DENND1B: variants seen among roughly 807,000 people sequenced by gnomAD.
The protein encoded by DENND1B is DENN domain containing 1B, also known as DENN domain-containing protein 1B.
DENND1B carries 59 observed loss-of-function variants against 90.1 expected under a neutral mutation model. That is an observed-to-expected ratio of 0.65 (90% CI 0.53 to 0.81). DENND1B has a LOEUF of 0.81. Among genes scored for constraint, DENND1B ranks in the 40% least tolerant of loss-of-function variants. DENND1B has a pLI of 0.00. For synonymous variants in DENND1B, 337 were observed against 324.6 expected, an observed-to-expected ratio of 1.04 and a Z score of -0.41; for missense variants, 862 against 912.6, an observed-to-expected ratio of 0.94 and a Z score of 0.71.
chr1:197,548,811 TAGAG>T (rs983610310), intron 16 of DENND1B, among the ~76,000 whole-genome samples: 12 of 152,170 alleles, frequency 7.9e-5, no homozygotes, highest in Admixed American at 2.0e-4. Context: ...AGAAGGTTAA[TAGAG>T]AGAATTACCG....
intron 15 of DENND1B, among the ~76,000 whole-genome samples, chr1:197,573,452 A>T (rs1351652365): frequency 1.3e-5 from 2 of 152,322 alleles, no homozygotes; most frequent in East Asian, 3.9e-4. Flanking sequence ...AAATTGTGGC[A>T]ATAATCAATA....
intron 10 of DENND1B, among the ~76,000 whole-genome samples, chr1:197,620,073 G>T (rs1450583891): frequency 2.6e-5 from 4 of 151,188 alleles, no homozygotes; most frequent in Admixed American, 6.6e-5. Context: ...TAAGGAATCT[G>T]CTTTGGCAAA....
At position 197,504,950 on chromosome 1, in the gene DENND1B, A is replaced by C. The variant is rs937933409; in HGVS notation, c.*5510T>G. ...GCAAGAACAATGAAGTAAAATCACA[A>C]TTCTGGGTAGGTTTTTACAGATATC... On this transcript the variant is annotated 3_prime_UTR_variant, in exon 23 of 23. Coordinates refer to ENST00000620048, the MANE Select transcript of DENND1B (RefSeq NM_001195215.2). 1 of 151,860 alleles carries C rather than the reference A, an allele frequency of 6.6e-6. No homozygotes were observed. Among genetic ancestry groups the C allele is most frequent in the African/African-American group, 2.4e-5 (1 of 41,392 alleles). 9.4% of individuals were successfully genotyped at this position (151,860 alleles called of 1,614,324 possible). A position where few individuals can be genotyped will look rare whatever the true frequency, so the allele number is the denominator to read the frequency against.
At chr1:197,769,119 C>T (rs747270225) in intron 2 of DENND1B, among the ~76,000 whole-genome samples, 14 of 152,184 alleles carry the variant, frequency 9.2e-5, no homozygotes, top group Non-Finnish European at 2.1e-4. Context: ...AACATAATGT[C>T]ACCAATCTTA....
chr1:197,723,372 G>A (rs1039570925), intron 2 of DENND1B, among the ~76,000 whole-genome samples: 9 of 152,080 alleles, frequency 5.9e-5, no homozygotes, highest in African/African-American at 2.2e-4. Flanking sequence ...TGAAGCTGTG[G>A]GTGATCATGG....
chr1:197,587,670 C>T (rs181827305), intron 14 of DENND1B, among the ~76,000 whole-genome samples: 157 of 152,170 alleles, frequency 1.0e-3, no homozygotes, highest in African/African-American at 3.5e-3. Flanking sequence ...TGGCACCAGA[C>T]GCGGGTTTTG....
At position 197,507,900 on chromosome 1, in the gene DENND1B, AT is replaced by A. The variant is rs1274777053; in HGVS notation, c.*2559del. On this transcript the variant is annotated 3_prime_UTR_variant, in exon 23 of 23. Coordinates refer to ENST00000620048, the MANE Select transcript of DENND1B (RefSeq NM_001195215.2). ...ATTCTGGATGTTTTTAAAGAATAAC[AT>A]GCAGAATTGTTTTTCTGCCTTTGTT... 1.3e-5 allele frequency: 2 copies of A among 151,714 alleles called. No homozygotes were observed. The highest frequency in any genetic ancestry group is 2.4e-5 in the African/African-American group (1 of 41,400). The allele number at this position is 151,714 out of a possible 1,614,324, so 9.4% of individuals were successfully genotyped here.
At chr1:197,714,370 T>C (rs1660418688) in intron 3 of DENND1B, among the ~76,000 whole-genome samples, 1 of 152,122 alleles carries the variant, frequency 6.6e-6, no homozygotes, top group South Asian at 2.1e-4. Flanking sequence ...ATGATAAATC[T>C]ATAACATAAA....
rs1329388255 is a variant in DENND1B, at chr1:197,511,949, A to G, written c.1599-5T>C. 6.3e-7 allele frequency: 1 copy of G among 1,599,150 alleles called. No individual in the cohort carries two copies. Among genetic ancestry groups the G allele is most frequent in the Non-Finnish European group, 8.5e-7 (1 of 1,172,518 alleles). On this transcript the variant is annotated splice_polypyrimidine_tract_variant and splice_region_variant and intron_variant, in intron 21 of 22. Coordinates refer to ENST00000620048, the MANE Select transcript of DENND1B (RefSeq NM_001195215.2). ...TCACCATCTTCAGAAGATAACCTGA[A>G]GAAAAATAAAACACGCAGTAGTAGG...
chr1:197,645,740 A>T lies in DENND1B; in HGVS notation c.511T>A (p.Ser171Thr). 1 of 1,563,864 alleles carries T rather than the reference A, an allele frequency of 6.4e-7. No homozygotes were observed. Among genetic ancestry groups the T allele is most frequent in the Non-Finnish European group, 8.7e-7 (1 of 1,154,038 alleles). ...LKDQPALVPH[S>T]YFIAPDVTGL... ...GTTACATCAGGGGCAATGAAGTAGGAATGCTAATCAATACAAATAAATCAC... is the reference window on the plus strand; with the variant it reads ...GTTACATCAGGGGCAATGAAGTAGGTATGCTAATCAATACAAATAAATCAC... The change falls in exon 9 of 23, where the codon TCC (serine) becomes ACC (threonine). Residue 171 changes from serine (S) to threonine (T), a missense_variant. Physicochemically the swap from Ser to Thr is moderately conservative, Grantham distance 58. Transcript: ENST00000620048.
At chr1:197,642,594 C>A in intron 10 of DENND1B, 117 bp downstream of exon 10, 1 of 624,514 alleles carries the variant, frequency 1.6e-6, no homozygotes. Context: ...ACATCAAAAA[C>A]GTATGTAGAT....
chr1:197,573,853 C>A (rs1673400554), intron 15 of DENND1B, among the ~76,000 whole-genome samples: 2 of 152,186 alleles, frequency 1.3e-5, no homozygotes, highest in Admixed American at 1.3e-4. Flanking sequence ...AGAGAAACCA[C>A]ATGATCATCT....
intron 5 of DENND1B, among the ~76,000 whole-genome samples, chr1:197,661,263 A>C (rs879429679): frequency 6.6e-6 from 1 of 152,110 alleles, no homozygotes; most frequent in Non-Finnish European, 1.5e-5. Context: ...TACTAACTAA[A>C]TATAATGCAA....
At chr1:197,554,980 G>A (rs550766941) in intron 15 of DENND1B, among the ~76,000 whole-genome samples, 3 of 151,958 alleles carry the variant, frequency 2.0e-5, no homozygotes, top group African/African-American at 4.8e-5. Context: ...TTCAAAATGT[G>A]CTTTACCCAG....
intron 15 of DENND1B, among the ~76,000 whole-genome samples, chr1:197,569,511 T>C (rs982674927): frequency 1.3e-5 from 2 of 151,656 alleles, no homozygotes; most frequent in African/African-American, 2.4e-5. Flanking sequence ...AACAAATATA[T>C]GAATCAACCT....
intron 4 of DENND1B, 96 bp downstream of exon 4, chr1:197,674,024 G>A (rs1655796764): frequency 3.4e-6 from 3 of 877,122 alleles, no homozygotes; most frequent in Non-Finnish European, 5.3e-6. Context: ...GCAATAAAGA[G>A]AAGGGACATT....
In DENND1B at chr1:197,775,131, C is replaced by A. The variant is rs1167093177; in HGVS notation, c.17+8G>T. On this transcript the variant is annotated splice_region_variant and intron_variant, in intron 1 of 22. Transcript: ENST00000620048. ...CCGCCCCCGACGCGCCCGGGCCCCC[C>A]CACTCACTTGGTCCTGCAGTCCATG... 2.3e-6 allele frequency: 3 copies of A among 1,291,326 alleles called. No homozygotes were observed. The highest frequency in any genetic ancestry group is 3.1e-5 in the African/African-American group (2 of 64,652). The allele number at this position is 1,291,326 out of a possible 1,614,324, so 80.0% of individuals were successfully genotyped here. A position where few individuals can be genotyped will look rare whatever the true frequency, so the allele number is the denominator to read the frequency against.
chr1:197,774,374 G>A (rs757436557), intron 1 of DENND1B: 4 of 152,164 alleles, frequency 2.6e-5, no homozygotes, highest in Non-Finnish European at 5.9e-5. Flanking sequence ...GGGTGGGTAA[G>A]CGAAGTAAAA....
intron 20 of DENND1B, among the ~76,000 whole-genome samples, chr1:197,530,133 T>C (rs1194937274): frequency 6.6e-6 from 1 of 152,240 alleles, no homozygotes; most frequent in Admixed American, 6.5e-5. Context: ...TTGTTGGATG[T>C]GGACTATAGA....
Sources: allele counts gnomAD v4.1 joint callset (sites outside exome capture counted in the v4.1 genomes callset), GRCh38; gene constraint gnomAD v4.1.1; transcripts MANE v1.5; gene names NCBI Gene and HGNC (gene_info 2026-07-23, HGNC 2026-07-21).